Variants in SLIT1 observed in about 807,000 individuals in gnomAD.
The protein encoded by SLIT1 is slit guidance ligand 1, also known as slit homolog 1 protein.
Under a neutral mutation model 186.1 loss-of-function variants are expected in SLIT1, and 66 were observed. The observed-to-expected ratio is 0.35, with a 90% confidence interval of 0.29 to 0.44. The LOEUF (loss-of-function observed/expected upper bound fraction) is 0.44, where lower values mean the gene tolerates loss of function less well. Ranked by LOEUF, SLIT1 falls within the 20% of genes least tolerant of loss-of-function variation. SLIT1 has a pLI of 1.00. For missense variants in SLIT1, 1,638 were observed against 2,037.4 expected, an observed-to-expected ratio of 0.80 and a Z score of 3.77; for synonymous variants, 761 against 833.8, an observed-to-expected ratio of 0.91 and a Z score of 1.50.
At chr10:97,126,250 G>A (rs1308824085) in intron 4 of SLIT1, among the ~76,000 whole-genome samples, 1 of 152,204 alleles carries the variant, frequency 6.6e-6, no homozygotes, top group African/African-American at 2.4e-5. Context: ...ATGAGAGAGG[G>A]CTATAAACTG....
chr10:97,140,666 C>A (rs147003317), intron 4 of SLIT1, among the ~76,000 whole-genome samples: 2 of 152,280 alleles, frequency 1.3e-5, no homozygotes, highest in South Asian at 2.1e-4. Flanking sequence ...AAGACAACTA[C>A]GTGGACTTCA....
At chr10:97,040,983 T>C (rs1002027744) in intron 20 of SLIT1, among the ~76,000 whole-genome samples, 2 of 152,172 alleles carry the variant, frequency 1.3e-5, no homozygotes, top group African/African-American at 4.8e-5. Context: ...AACAGCTCTC[T>C]AGTGAATGTG....
rs1228720921 is a variant in SLIT1, at chr10:97,022,833, C to T, written c.2583-1420G>A. On this transcript the variant is annotated intron_variant, in intron 25 of 36. Transcript: ENST00000266058. This position sits in a 1 kb window ranked among gnomAD's most constrained non-coding sequence, Gnocchi z 4.2. ...TCCAGGCCTTTCCCACACGTACACA[C>T]GTGGTTCCTCCTTACAAATCACATC... Among the ~76,000 whole-genome samples the T allele has an allele frequency of 2.0e-5, 3 of 152,366 alleles. No individual in the cohort carries two copies. In the East Asian group the frequency reaches 5.8e-4, roughly 29 times the overall value.
intron 25 of SLIT1, among the ~76,000 whole-genome samples, chr10:97,024,366 T>C (rs1848527385): frequency 6.6e-6 from 1 of 152,086 alleles, no homozygotes; most frequent in Non-Finnish European, 1.5e-5. Context: ...CCTTAATATA[T>C]CTGGGGGTCA....
chr10:97,024,324 C>T (rs1455266466), intron 25 of SLIT1, among the ~76,000 whole-genome samples: 1 of 152,072 alleles, frequency 6.6e-6, no homozygotes. Context: ...CCCCATGCAG[C>T]TGCCCCGTGC....
At chr10:97,055,443 C>G (rs1176476005) in intron 13 of SLIT1, among the ~76,000 whole-genome samples, 1 of 152,046 alleles carries the variant, frequency 6.6e-6, no homozygotes, top group Non-Finnish European at 1.5e-5. Flanking sequence ...GTCACTGTAG[C>G]CTGAACCTCC....
Position 96,998,700 on chromosome 10 carries a change from G to A in SLIT1, c.*2412C>T, listed in dbSNP as rs1277982636. The A allele has an allele frequency of 6.6e-6, 1 of 152,302 alleles. No individual in the cohort carries two copies. The highest frequency in any genetic ancestry group is 2.4e-5 in the African/African-American group (1 of 41,464). The allele number at this position is 152,302 out of a possible 1,614,324, so 9.4% of individuals were successfully genotyped here. ...GCACACAGCTCTCACATCATCTCAT[G>A]GTGGATTCCAATCCTCAGACTGCAC... On this transcript the variant is annotated 3_prime_UTR_variant, in exon 37 of 37. Coordinates refer to ENST00000266058, the MANE Select transcript of SLIT1 (RefSeq NM_003061.3).
At chr10:97,076,585 T>C (rs537224251) in intron 4 of SLIT1, among the ~76,000 whole-genome samples, 170 of 152,214 alleles carry the variant, frequency 1.1e-3, no homozygotes, top group Non-Finnish European at 2.1e-3. Flanking sequence ...CCTGTGTGCA[T>C]ACTGCATGTG....
chr10:97,174,860 A>T (rs1482877592), intron 1 of SLIT1, among the ~76,000 whole-genome samples: 4 of 152,316 alleles, frequency 2.6e-5, no homozygotes, highest in East Asian at 1.9e-4. Flanking sequence ...CTTTTTAAAA[A>T]AATAATAATA....
At chr10:97,047,545 C>T in intron 16 of SLIT1, 145 bp downstream of exon 16, 1 of 807,900 alleles carries the variant, frequency 1.2e-6, no homozygotes, top group Non-Finnish European at 2.0e-6. Flanking sequence ...TCTTCCTGCC[C>T]AAGCCAGCAG....
intron 4 of SLIT1, among the ~76,000 whole-genome samples, chr10:97,077,711 G>T (rs902220078): frequency 6.6e-6 from 1 of 152,144 alleles, no homozygotes; most frequent in Non-Finnish European, 1.5e-5. Context: ...AGAAATGACT[G>T]CTCCCTCTCC....
chr10:97,097,747 GGT>G, intron 4 of SLIT1, among the ~76,000 whole-genome samples: 2 of 152,208 alleles, frequency 1.3e-5, no homozygotes, highest in South Asian at 4.1e-4. Flanking sequence ...TATATGTCCT[GGT>G]CTGCAATCTG....
At chr10:97,064,379 G>C (rs1479528139) in intron 6 of SLIT1, 140 bp from the exon 7 acceptor site, 13 of 724,902 alleles carry the variant, frequency 1.8e-5, no homozygotes, top group Admixed American at 1.2e-4. Context: ...CTAAGCCGAA[G>C]AGCATGAGGC....
rs34183464 is a variant in SLIT1, at chr10:97,085,396, T to TG, written c.414-19311_414-19310insC. On this transcript the variant is annotated intron_variant, in intron 4 of 36. Coordinates refer to ENST00000266058, the MANE Select transcript of SLIT1 (RefSeq NM_003061.3). ...TCTTCTTAGCATGTACTTTTTTTTT[T>TG]TTTGTTTTTGAGATGGAGTCTCGCA... 1.9e-3 allele frequency among the ~76,000 whole-genome samples: 289 copies of TG among 151,734 alleles called. 2 individuals are homozygous for TG. Among genetic ancestry groups the TG allele is most frequent in the Non-Finnish European group, 3.7e-3 (252 of 67,902 alleles).
intron 4 of SLIT1, among the ~76,000 whole-genome samples, chr10:97,124,375 A>G (rs921504688): frequency 2.0e-5 from 3 of 152,132 alleles, no homozygotes; most frequent in Non-Finnish European, 4.4e-5. Flanking sequence ...TGTCAGCTCC[A>G]TGCTCCTCCT....
At chr10:97,115,683 A>G (rs1849502661) in intron 4 of SLIT1, among the ~76,000 whole-genome samples, 1 of 152,022 alleles carries the variant, frequency 6.6e-6, no homozygotes, top group Admixed American at 6.5e-5. Context: ...GAGGCTCAAC[A>G]GCAACTGCAG....
In SLIT1 at chr10:97,004,356, T is replaced by C; in HGVS notation, c.3711-134A>G. ...ATCTAAGGAAAAGGACTGTGGGGGC[T>C]CAAGGGTCTATCGCATGATCCCTTT... On this transcript the variant is annotated intron_variant, in intron 33 of 36. Transcript: ENST00000266058. This position sits in a 1 kb window ranked among gnomAD's most constrained non-coding sequence, Gnocchi z 5.1. The C allele has an allele frequency of 2.2e-6, 2 of 889,576 alleles. No individual in the cohort carries two copies. Among genetic ancestry groups the C allele is most frequent in the Admixed American group, 2.4e-5 (1 of 41,268 alleles). The allele number at this position is 889,576 out of a possible 1,614,324, so 55.1% of individuals were successfully genotyped here. A position where few individuals can be genotyped will look rare whatever the true frequency, so the allele number is the denominator to read the frequency against.
intron 4 of SLIT1, among the ~76,000 whole-genome samples, chr10:97,099,367 G>A (rs756285606): frequency 9.2e-5 from 14 of 152,304 alleles, no homozygotes; most frequent in Middle Eastern, 6.8e-3. Flanking sequence ...ACCCAGAGCA[G>A]CAGGCTCAAC....
chr10:97,169,932 C>T (rs1247841305), intron 1 of SLIT1, among the ~76,000 whole-genome samples: 1 of 152,248 alleles, frequency 6.6e-6, no homozygotes, highest in Non-Finnish European at 1.5e-5. Flanking sequence ...AGTGTGATTC[C>T]ATGTTCTGTC....
Sources: allele counts gnomAD v4.1 joint callset (sites outside exome capture counted in the v4.1 genomes callset), GRCh38; gene constraint gnomAD v4.1.1; non-coding constraint Gnocchi (gnomAD v3.1); transcripts MANE v1.5; gene names NCBI Gene and HGNC (gene_info 2026-07-23, HGNC 2026-07-21).